Variants in GALNT18 observed in about 807,000 individuals in gnomAD.
GALNT18 encodes polypeptide N-acetylgalactosaminyltransferase 18.
Under a neutral mutation model 69.5 loss-of-function variants are expected in GALNT18, and 44 were observed. That is an observed-to-expected ratio of 0.63 (90% CI 0.50 to 0.81). GALNT18 has a LOEUF of 0.81. GALNT18 is among the 40% of genes least tolerant of loss of function. The probability of loss-of-function intolerance (pLI) is 0.00; values close to 1 mark genes in which losing one functional copy is unlikely to be tolerated. For synonymous variants in GALNT18, 364 were observed against 318.2 expected (o/e 1.14, Z -1.53); for missense variants, 715 against 810.0 (o/e 0.88, Z 1.42).
intron 9 of GALNT18, among the ~76,000 whole-genome samples, chr11:11,319,945 C>T (rs1242978476): frequency 6.6e-6 from 1 of 152,170 alleles, no homozygotes; most frequent in Non-Finnish European, 1.5e-5. Flanking sequence ...TCTCTAAACG[C>T]TTTATGTGCA....
At chr11:11,289,892 C>T (rs1262658664) in intron 10 of GALNT18, among the ~76,000 whole-genome samples, 1 of 151,944 alleles carries the variant, frequency 6.6e-6, no homozygotes, top group Non-Finnish European at 1.5e-5. Context: ...TGCTATTAAC[C>T]TCAAACTGTA....
intron 1 of GALNT18, among the ~76,000 whole-genome samples, chr11:11,510,651 G>C (rs1857148028): frequency 6.6e-6 from 1 of 152,234 alleles, no homozygotes; most frequent in Non-Finnish European, 1.5e-5. Flanking sequence ...AAATAGAAAT[G>C]AAGGTGCCTG....
At chr11:11,295,289 A>G (rs115377814) in intron 9 of GALNT18, among the ~76,000 whole-genome samples, 3,644 of 152,172 alleles carry the variant, frequency 0.024, 147 homozygotes, top group African/African-American at 0.083. Flanking sequence ...GTAGGGGGAG[A>G]CCCGAGGAGT....
At chr11:11,279,527 A>ATGT (rs1564876650) in intron 10 of GALNT18, among the ~76,000 whole-genome samples, 1 of 152,236 alleles carries the variant, frequency 6.6e-6, no homozygotes, top group African/African-American at 2.4e-5. Flanking sequence ...CATCAATAGT[A>ATGT]CAGCAGACAT....
At chr11:11,599,516 C>G (rs1859582938) in intron 1 of GALNT18, among the ~76,000 whole-genome samples, 1 of 152,022 alleles carries the variant, frequency 6.6e-6, no homozygotes, top group Non-Finnish European at 1.5e-5. Context: ...CTCCTGTAGA[C>G]AGTGTGTAGT....
chr11:11,441,155 T>A (rs1284377261), intron 2 of GALNT18, among the ~76,000 whole-genome samples: 1 of 152,158 alleles, frequency 6.6e-6, no homozygotes, highest in Non-Finnish European at 1.5e-5. Context: ...TTTTAAAACA[T>A]TATACTTCTA....
intron 9 of GALNT18, among the ~76,000 whole-genome samples, chr11:11,293,702 C>A (rs12223208): frequency 0.022 from 3,316 of 151,912 alleles, 192 homozygotes; most frequent in South Asian, 0.17. Flanking sequence ...CCACCATGCC[C>A]GGCTAATTTT....
chr11:11,400,998 C>T (rs549859118), intron 3 of GALNT18, among the ~76,000 whole-genome samples: 2 of 152,174 alleles, frequency 1.3e-5, no homozygotes, highest in South Asian at 4.2e-4. Context: ...TGAGGGTCGG[C>T]CGGGGCAGGA....
rs1855416485 is a variant in GALNT18 at position 11,436,967 on chromosome 11, T to C, written c.429-4180A>G. ...GCCTTTGCTCCCAAATCTGTACTGC[T>C]AAGATGCCCTCCCAGAGCACCTGGA... On this transcript the variant is annotated intron_variant, in intron 2 of 10. Transcript: ENST00000227756. This position sits in a 1 kb window ranked among gnomAD's most constrained non-coding sequence, Gnocchi z 4.5. Among the ~76,000 whole-genome samples, 1 of 152,184 alleles carries C rather than the reference T, an allele frequency of 6.6e-6. No homozygotes were observed. Among genetic ancestry groups the C allele is most frequent in the Non-Finnish European group, 1.5e-5 (1 of 68,030 alleles).
intron 1 of GALNT18, among the ~76,000 whole-genome samples, chr11:11,466,507 AAG>A (rs1856158681): frequency 6.6e-6 from 1 of 152,212 alleles, no homozygotes; most frequent in South Asian, 2.1e-4. Flanking sequence ...AGGTTTCCAA[AAG>A]AGTCTGTGGA....
At chr11:11,291,768 T>C (rs1179271698) in intron 10 of GALNT18, among the ~76,000 whole-genome samples, 1 of 152,200 alleles carries the variant, frequency 6.6e-6, no homozygotes, top group Non-Finnish European at 1.5e-5. Context: ...TTCTGCTTTC[T>C]AGCTAGCTCC....
chr11:11,407,828 C>T lies in GALNT18; in HGVS notation c.595+24793G>A, dbSNP rs545919703. Among the ~76,000 whole-genome samples the T allele has an allele frequency of 2.6e-5, 4 of 152,310 alleles. No individual in the cohort carries two copies. In the South Asian group the frequency reaches 8.3e-4, roughly 32 times the overall value. Reference sequence around the variant, plus strand: ...GATTACGAGCAGCAGGAGTAAAGAGCGGCAAGCCATGGCTGCTCCACAGAA... The same window carrying T: ...GATTACGAGCAGCAGGAGTAAAGAGTGGCAAGCCATGGCTGCTCCACAGAA... On this transcript the variant is annotated intron_variant, in intron 3 of 10. Transcript: ENST00000227756.
At chr11:11,303,625 T>C (rs1849532960) in intron 9 of GALNT18, among the ~76,000 whole-genome samples, 2 of 151,788 alleles carry the variant, frequency 1.3e-5, no homozygotes, top group South Asian at 4.2e-4. Flanking sequence ...GTGGGGCTCA[T>C]ACACACCAGA....
At chr11:11,304,003 T>C (rs976677328) in intron 9 of GALNT18, among the ~76,000 whole-genome samples, 1 of 152,230 alleles carries the variant, frequency 6.6e-6, no homozygotes, top group Admixed American at 6.5e-5. Context: ...CCAAATGGTC[T>C]ATGCTCTGGG....
rs147844990 is a variant in GALNT18, at chr11:11,512,846, C to T, written c.236-63910G>A. 1.9e-4 allele frequency among the ~76,000 whole-genome samples: 29 copies of T among 152,322 alleles called. No individual in the cohort carries two copies. The Middle Eastern group carries it at 0.014, about 71-fold the overall frequency. On this transcript the variant is annotated intron_variant, in intron 1 of 10. Transcript: ENST00000227756. Reference sequence around the variant, plus strand: ...ACGGGTGCTGCCTAGAAAAAGGATGCCTCTCGACAAAGTCCCATAATGACA... The same window carrying T: ...ACGGGTGCTGCCTAGAAAAAGGATGTCTCTCGACAAAGTCCCATAATGACA...
Position 11,314,400 on chromosome 11 carries a change from T to C in GALNT18, c.1512+12686A>G, listed in dbSNP as rs1002469121. ...GCAGCTCCTTTTTTTTTTTTTAGCA[T>C]GGAAGCTGCAGGAGCAGCCCAGAGT... On this transcript the variant is annotated intron_variant, in intron 9 of 10. Transcript: ENST00000227756. This position sits in a 1 kb window ranked among gnomAD's most constrained non-coding sequence, Gnocchi z 5.2. Among the ~76,000 whole-genome samples the C allele has an allele frequency of 6.6e-6, 1 of 150,860 alleles. No homozygotes were observed. Among genetic ancestry groups the C allele is most frequent in the Admixed American group, 6.6e-5 (1 of 15,128 alleles).
chr11:11,273,486 CTA>C (rs745493389), intron 10 of GALNT18, among the ~76,000 whole-genome samples: 1 of 152,178 alleles, frequency 6.6e-6, no homozygotes, highest in East Asian at 1.9e-4. Context: ...TAAGCAAAAA[CTA>C]TAATGAATCA....
chr11:11,288,561 T>C (rs1255003297), intron 10 of GALNT18, among the ~76,000 whole-genome samples: 1 of 152,218 alleles, frequency 6.6e-6, no homozygotes, highest in East Asian at 1.9e-4. Context: ...GTCTGATTTA[T>C]ATCTGCATTC....
rs761806650 is a variant in GALNT18, at chr11:11,505,023, G to A, written c.236-56087C>T. On this transcript the variant is annotated intron_variant, in intron 1 of 10. Coordinates refer to ENST00000227756, the MANE Select transcript of GALNT18 (RefSeq NM_198516.3). The surrounding 1 kb of genome is among the most constrained non-coding windows in gnomAD (Gnocchi z 4.6). ...AAACACACAACTGCAACATCAAAGT[G>A]TTGGAAGCGCTAGAACCCAGATATG... Among the ~76,000 whole-genome samples the A allele has an allele frequency of 1.3e-5, 2 of 152,192 alleles. No homozygotes were observed. Among genetic ancestry groups the A allele is most frequent in the Non-Finnish European group, 2.9e-5 (2 of 68,030 alleles).
Sources: gnomAD v4.1 joint callset for allele counts (sites outside exome capture counted in the v4.1 genomes callset) on GRCh38, gnomAD v4.1.1 for gene constraint, Gnocchi (gnomAD v3.1) non-coding constraint, MANE v1.5 for transcripts, NCBI Gene and HGNC (gene_info 2026-07-23, HGNC 2026-07-21) for gene names.